GPR137: variants seen among roughly 807,000 people sequenced by gnomAD.
GPR137 encodes G protein-coupled receptor 137, also known as integral membrane protein GPR137.
GPR137 carries 20 observed loss-of-function variants against 38.9 expected under a neutral mutation model. The ratio of observed to expected loss-of-function variants is 0.51; its 90% CI spans 0.36 to 0.75. The LOEUF (loss-of-function observed/expected upper bound fraction) is 0.75. Ranked by LOEUF, GPR137 falls within the 30% of genes least tolerant of loss-of-function variation. The probability of loss-of-function intolerance (pLI) is 0.00; values close to 1 mark genes in which losing one functional copy is unlikely to be tolerated. For missense variants in GPR137, 456 were observed against 526.4 expected (o/e 0.87, Z 1.31); for synonymous variants, 226 against 235.8 (o/e 0.96, Z 0.38).
intron 2 of GPR137, among the ~76,000 whole-genome samples, chr11:64,277,771 T>C (rs991501947): frequency 2.6e-5 from 4 of 152,136 alleles, no homozygotes; most frequent in African/African-American, 9.7e-5. Flanking sequence ...TTTTCCTAAG[T>C]TAGCTGAAAA....
Position 64,286,286 on chromosome 11 carries a change from A to C in GPR137, c.-239A>C. 7.2e-7 allele frequency: 1 copy of C among 1,389,500 alleles called. No individual in the cohort carries two copies. The highest frequency in any genetic ancestry group is 9.3e-7 in the Non-Finnish European group (1 of 1,076,350). The allele number at this position is 1,389,500 out of a possible 1,614,324, so 86.1% of individuals were successfully genotyped here. A position where few individuals can be genotyped will look rare whatever the true frequency, so the allele number is the denominator to read the frequency against. ...ACCCCTATCCGGTCTGTCCTGGAGA[A>C]AAGAGACTGCCCTTCCATGCCCCTG... On this transcript the variant is annotated 5_prime_UTR_variant, in exon 1 of 7. Transcript: ENST00000438980.
chr11:64,276,877 G>A, intron 2 of GPR137: 1 of 749,984 alleles, frequency 1.3e-6, no homozygotes, highest in African/African-American at 1.7e-5. Flanking sequence ...GCTGTGGCTA[G>A]AAGTGCCCCA....
At chr11:64,284,245 G>A (rs1275377857), upstream of GPR137, 2 of 1,610,718 alleles carry the variant, frequency 1.2e-6, no homozygotes. Flanking sequence ...AGGAGGCCTG[G>A]GGCCTGGCGA....
chr11:64,288,274 C>T lies in GPR137; in HGVS notation c.783+60C>T. 1 of 1,611,234 alleles carries T rather than the reference C, an allele frequency of 6.2e-7. No homozygotes were observed. The highest frequency in any genetic ancestry group is 1.7e-5 in the Admixed American group (1 of 59,976). ...CCGTGGCACCTTGGCCCCAGCTGGCCTGGGCCCTGTCCCACTACCCCTTTG... is the reference window on the plus strand; with the variant it reads ...CCGTGGCACCTTGGCCCCAGCTGGCTTGGGCCCTGTCCCACTACCCCTTTG... On this transcript the variant is annotated intron_variant, in intron 4 of 6. Transcript: ENST00000438980. This position sits in a 1 kb window ranked among gnomAD's most constrained non-coding sequence, Gnocchi z 5.5.
Position 64,276,811 on chromosome 11 carries a change from T to C in GPR137, c.-16+390T>C. On this transcript the variant is annotated intron_variant, in intron 2 of 2. Coordinates refer to the GPR137 transcript ENST00000538244. ...TGGGTGGGTGCCCAGGCCTGCCCAC[T>C]CTTGCCATCCGCCTAGAGCCTGGCC... is the stretch of plus-strand genomic sequence containing the variant. 9.0e-6 allele frequency: 6 copies of C among 668,384 alleles called. No individual in the cohort carries two copies. The South Asian group carries it at 9.7e-5, about 11-fold the overall frequency. The allele number at this position is 668,384 out of a possible 1,614,324, so 41.4% of individuals were successfully genotyped here. A position where few individuals can be genotyped will look rare whatever the true frequency, so the allele number is the denominator to read the frequency against.
At chr11:64,277,211 A>G (rs1239152850) in intron 2 of GPR137, among the ~76,000 whole-genome samples, 1 of 152,150 alleles carries the variant, frequency 6.6e-6, no homozygotes, top group Non-Finnish European at 1.5e-5. Flanking sequence ...CCGACCACAC[A>G]CAATCTGCTG....
At position 64,288,224 on chromosome 11, in the gene GPR137, C is replaced by T. The variant is rs766307369; in HGVS notation, c.783+10C>T. 39 of 1,611,292 alleles carry T rather than the reference C, an allele frequency of 2.4e-5. No homozygotes were observed. The highest frequency in any genetic ancestry group is 2.2e-4 in the Admixed American group (13 of 59,964). Reference sequence around the variant, plus strand: ...CAATGTGTCTGACCAGGTGGGCATACGCATGTCTGCCACCTCCTTAGTAGC... The same window carrying T: ...CAATGTGTCTGACCAGGTGGGCATATGCATGTCTGCCACCTCCTTAGTAGC... On this transcript the variant is annotated intron_variant, in intron 4 of 6. Transcript: ENST00000438980. This position sits in a 1 kb window ranked among gnomAD's most constrained non-coding sequence, Gnocchi z 5.5.
rs1199018555 is a variant in GPR137, at chr11:64,288,192, A to C, written c.761A>C (p.Asp254Ala). 1 of 1,612,834 alleles carries C rather than the reference A, an allele frequency of 6.2e-7. No homozygotes were observed. The highest frequency in any genetic ancestry group is 1.7e-5 in the Admixed American group (1 of 59,976). Residue 254 changes from aspartate to alanine, a missense_variant, in exon 4 of 7, where the codon GAC (aspartate) becomes GCC (alanine). Asp to Ala is a moderately radical substitution (Grantham distance 126, BLOSUM62 -2). Transcript: ENST00000438980. This position sits in a 1 kb window ranked among gnomAD's most constrained non-coding sequence, Gnocchi z 5.5. Reference protein sequence around the residue: ...PQSRLDTFDYDWYNVSDQADL... With the variant: ...PQSRLDTFDYAWYNVSDQADL... ...AGCCGGCTGGACACCTTCGATTACG[A>C]CTGGTACAATGTGTCTGACCAGGTG...
At chr11:64,285,839 G>T, upstream of GPR137, 1 of 984,998 alleles carries the variant, frequency 1.0e-6, no homozygotes, top group Non-Finnish European at 1.2e-6. Flanking sequence ...CGCGGAGGGG[G>T]AGGGGGGCGG....
intron 2 of GPR137, among the ~76,000 whole-genome samples, chr11:64,277,237 G>A (rs1158648469): frequency 2.0e-5 from 3 of 152,168 alleles, no homozygotes; most frequent in Admixed American, 1.3e-4. Context: ...GGAGGCTGAC[G>A]TCAGTGGCCA....
At chr11:64,278,353 G>T (rs2033205688) in intron 2 of GPR137, among the ~76,000 whole-genome samples, 1 of 149,594 alleles carries the variant, frequency 6.7e-6, no homozygotes, top group Non-Finnish European at 1.5e-5. Context: ...ACAGAGTGAG[G>T]CTCCATCTTG....
At chr11:64,270,898 G>GACTCAC (rs1491175311), upstream of GPR137, among the ~76,000 whole-genome samples, 5 of 86,928 alleles carry the variant, frequency 5.8e-5, no homozygotes, top group African/African-American at 8.3e-5. Context: ...CATGCCCTGT[G>GACTCAC]AGACACACAC....
upstream of GPR137, among the ~76,000 whole-genome samples, chr11:64,280,010 C>A (rs1192123078): frequency 1.3e-5 from 2 of 151,870 alleles, no homozygotes; most frequent in Non-Finnish European, 2.9e-5. Flanking sequence ...ATAGCAAGAC[C>A]TTGTCTCTAA....
chr11:64,280,679 G>T (rs2033408852), upstream of GPR137, among the ~76,000 whole-genome samples: 1 of 136,566 alleles, frequency 7.3e-6, no homozygotes, highest in Non-Finnish European at 1.6e-5. Context: ...TTTATTTTTT[G>T]TTTTTTGAGA....
chr11:64,283,642 G>A (rs2033632604), upstream of GPR137, among the ~76,000 whole-genome samples: 1 of 152,238 alleles, frequency 6.6e-6, no homozygotes, highest in African/African-American at 2.4e-5. Context: ...GGGAAAGCAT[G>A]TAGCCTGGGG....
At chr11:64,271,578 CT>C, upstream of GPR137, 2 of 1,391,224 alleles carry the variant, frequency 1.4e-6, no homozygotes, top group African/African-American at 1.5e-5. Flanking sequence ...CGGCCTGGTA[CT>C]TCAGGTCCTG....
upstream of GPR137, chr11:64,284,067 T>G: frequency 3.1e-6 from 4 of 1,282,230 alleles, no homozygotes; most frequent in Non-Finnish European, 4.2e-6. Flanking sequence ...ACTGGGGCTC[T>G]GAGAGTTTGG....
upstream of GPR137, chr11:64,284,841 T>C (rs1565354491): frequency 1.3e-5 from 20 of 1,509,966 alleles, no homozygotes; most frequent in South Asian, 2.1e-4. Flanking sequence ...GCATCCTTTT[T>C]CCTCCCTCCT....
upstream of GPR137, among the ~76,000 whole-genome samples, chr11:64,283,525 C>T (rs1490706806): frequency 1.3e-5 from 2 of 152,228 alleles, no homozygotes; most frequent in Non-Finnish European, 2.9e-5. Context: ...GGACTGTCTG[C>T]CCCTTGAGGT....
Sources: gnomAD v4.1 joint callset for allele counts (sites outside exome capture counted in the v4.1 genomes callset) on GRCh38, gnomAD v4.1.1 for gene constraint, Gnocchi (gnomAD v3.1) non-coding constraint, MANE v1.5 for transcripts, NCBI Gene and HGNC (gene_info 2026-07-23, HGNC 2026-07-21) for gene names.